The following KCNQ1 variants were observed in gnomAD, a reference collection of about 807,000 sequenced individuals.
The protein encoded by KCNQ1 is potassium voltage-gated channel subfamily KQT member 1.
In KCNQ1, 49 loss-of-function variants were observed where a neutral mutation model predicts 72.4. The observed-to-expected ratio is 0.68, with a 90% CI of 0.54 to 0.86. The LOEUF (loss-of-function observed/expected upper bound fraction) is 0.86, where lower values mean the gene tolerates loss of function less well. KCNQ1 is among the 40% of genes least tolerant of loss of function. The pLI is 0.00. For synonymous variants in KCNQ1, 450 were observed against 412.6 expected (o/e 1.09, Z -1.10); for missense variants, 790 against 945.1 (o/e 0.84, Z 2.15).
At chr11:2,717,281 C>T (rs1851108897) in intron 11 of KCNQ1, among the ~76,000 whole-genome samples, 1 of 152,192 alleles carries the variant, frequency 6.6e-6, no homozygotes, top group African/African-American at 2.4e-5. Flanking sequence ...GAATCACAAG[C>T]TGGATGTCAG....
intron 11 of KCNQ1, among the ~76,000 whole-genome samples, chr11:2,758,207 A>G (rs973075781): frequency 1.3e-5 from 2 of 152,210 alleles, no homozygotes; most frequent in Non-Finnish European, 2.9e-5. Flanking sequence ...TCAAAACTCA[A>G]CAGTAAAAAA....
chr11:2,747,254 T>C (rs898246499), intron 11 of KCNQ1, among the ~76,000 whole-genome samples: 1 of 152,260 alleles, frequency 6.6e-6, no homozygotes, highest in Non-Finnish European at 1.5e-5. Flanking sequence ...CCCAATTTAT[T>C]AGTCTTCTCC....
At chr11:2,686,414 A>G in intron 11 of KCNQ1, 1 of 398,642 alleles carries the variant, frequency 2.5e-6, no homozygotes, top group Non-Finnish European at 4.4e-6. Context: ...GATATTGTGG[A>G]TACCTATGCC....
chr11:2,501,451 A>G (rs1190393620), intron 1 of KCNQ1, among the ~76,000 whole-genome samples: 3 of 152,168 alleles, frequency 2.0e-5, no homozygotes, highest in Non-Finnish European at 4.4e-5. Context: ...ATTCCTAGAC[A>G]TGTGCAACCT....
rs1334252385 is a variant in KCNQ1, at chr11:2,808,030, C to T, written c.1794+29993C>T. On this transcript the variant is annotated intron_variant, in intron 15 of 15. Transcript: ENST00000155840. The surrounding 1 kb of genome is among the most constrained non-coding windows in gnomAD (Gnocchi z 6.0). ...CAGGGCCGGTGGTACCTGGAGCCCT[C>T]CCCACTGAGCACCTGGCCCAGTGCC... 6.6e-6 allele frequency among the ~76,000 whole-genome samples: 1 copy of T among 152,170 alleles called. No individual in the cohort carries two copies. Among genetic ancestry groups the T allele is most frequent in the Non-Finnish European group, 1.5e-5 (1 of 68,010 alleles).
rs1027023123 is a variant in KCNQ1 at position 2,703,047 on chromosome 11, G to A, written c.1514+40966G>A. On this transcript the variant is annotated intron_variant, in intron 11 of 15. Transcript: ENST00000155840. The surrounding 1 kb of genome is among the most constrained non-coding windows in gnomAD (Gnocchi z 6.4). ...TGTCTCGTCGGGCGACAAGAGACAC[G>A]TGGGAATTGGCTAGAGAAGCATGTG... Among the ~76,000 whole-genome samples the A allele has an allele frequency of 3.9e-5, 6 of 152,172 alleles. No individual in the cohort carries two copies. Among genetic ancestry groups the A allele is most frequent in the Admixed American group, 6.5e-5 (1 of 15,286 alleles).
intron 10 of KCNQ1, chr11:2,630,000 C>T (rs1008256571): frequency 2.5e-6 from 1 of 398,240 alleles, no homozygotes; most frequent in South Asian, 1.3e-4. Flanking sequence ...TGTTCCTCAT[C>T]TTAGAGGAGA....
chr11:2,514,753 G>A (rs1214716213), intron 1 of KCNQ1, among the ~76,000 whole-genome samples: 3 of 152,220 alleles, frequency 2.0e-5, no homozygotes, highest in African/African-American at 7.2e-5. Context: ...ATGAACCCGG[G>A]AGGCAGAGCT....
intron 2 of KCNQ1, among the ~76,000 whole-genome samples, chr11:2,561,010 G>T (rs561877351): frequency 1.1e-4 from 16 of 151,952 alleles, no homozygotes; most frequent in Admixed American, 7.2e-4. Context: ...AGACCATCCT[G>T]GCTAACACGG....
chr11:2,665,772 T>A, intron 11 of KCNQ1: 2 of 398,566 alleles, frequency 5.0e-6, no homozygotes, highest in Non-Finnish European at 8.8e-6. Flanking sequence ...CTAGGATTGC[T>A]GCTCACTCAA....
intron 11 of KCNQ1, among the ~76,000 whole-genome samples, chr11:2,739,776 T>C (rs115438126): frequency 0.013 from 1,962 of 152,330 alleles, 39 homozygotes; most frequent in African/African-American, 0.045. Context: ...CCAGCTGGTA[T>C]TGGCCAAGTT....
Position 2,712,547 on chromosome 11 carries a change from C to G in KCNQ1, c.1514+50466C>G, listed in dbSNP as rs1469340834. Among the ~76,000 whole-genome samples, 1 of 152,172 alleles carries G rather than the reference C, an allele frequency of 6.6e-6. No individual in the cohort carries two copies. The highest frequency in any genetic ancestry group is 2.4e-5 in the African/African-American group (1 of 41,440). On this transcript the variant is annotated intron_variant, in intron 11 of 15. Transcript: ENST00000155840. This position sits in a 1 kb window ranked among gnomAD's most constrained non-coding sequence, Gnocchi z 6.4. ...GCCACCAGGCCAGACACCGCCCCAG[C>G]TGAATGCATGCTGGCGGCCCAAATG... is the stretch of plus-strand genomic sequence containing the variant.
At chr11:2,686,316 C>T in intron 11 of KCNQ1, 1 of 398,748 alleles carries the variant, frequency 2.5e-6, no homozygotes, top group East Asian at 3.6e-5. Flanking sequence ...CTAGTGTCAC[C>T]TGGCCCGTCC....
intron 2 of KCNQ1, among the ~76,000 whole-genome samples, chr11:2,528,900 C>T (rs145989022): frequency 9.1e-4 from 139 of 152,242 alleles, no homozygotes; most frequent in African/African-American, 3.3e-3. Context: ...CAGTGGTATC[C>T]GTCTCATTTC....
intron 2 of KCNQ1, among the ~76,000 whole-genome samples, chr11:2,553,516 A>G (rs973573855): frequency 2.0e-5 from 3 of 152,160 alleles, no homozygotes; most frequent in East Asian, 1.9e-4. Context: ...TTCTGCCTCT[A>G]TTGAGATAAT....
Position 2,658,229 on chromosome 11 carries a change from C to T in KCNQ1, c.1394-3732C>T, listed in dbSNP as rs959958960. ...TCAGCATTCATTCATGGATCGTTTT[C>T]CTGCAGCAAATATTACCGTGATGTA... On this transcript the variant is annotated intron_variant, in intron 10 of 15. Coordinates refer to ENST00000155840, the MANE Select transcript of KCNQ1 (RefSeq NM_000218.3). This position sits in a 1 kb window ranked among gnomAD's most constrained non-coding sequence, Gnocchi z 4.9. The T allele has an allele frequency of 1.0e-5, 4 of 398,578 alleles. No individual in the cohort carries two copies. 24.7% of individuals were successfully genotyped at this position (398,578 alleles called of 1,614,324 possible). A position where few individuals can be genotyped will look rare whatever the true frequency, so the allele number is the denominator to read the frequency against.
chr11:2,701,432 G>A (rs1028719352), intron 11 of KCNQ1, among the ~76,000 whole-genome samples: 1 of 152,152 alleles, frequency 6.6e-6, no homozygotes. Context: ...TGATCAGAGG[G>A]CGCAGTCCAC....
Position 2,626,524 on chromosome 11 carries a change from T to C in KCNQ1, c.1394-35437T>C, listed in dbSNP as rs945467456. The stretch of plus-strand genomic sequence containing the variant: ...AGTTTTGATTACTGTAGCTTCGTAA[T>C]AAGTTGGGGTTTTTGTTTGTTTTTC... On this transcript the variant is annotated intron_variant, in intron 10 of 15. Transcript: ENST00000155840. The surrounding 1 kb of genome is among the most constrained non-coding windows in gnomAD (Gnocchi z 4.0). 7.5e-6 allele frequency: 3 copies of C among 398,490 alleles called. No homozygotes were observed. The highest frequency in any genetic ancestry group is 1.3e-5 in the Non-Finnish European group (3 of 226,078). The allele number at this position is 398,490 out of a possible 1,614,324, so 24.7% of individuals were successfully genotyped here.
chr11:2,498,262 T>C lies in KCNQ1; in HGVS notation c.387-29666T>C, dbSNP rs977128831. The stretch of plus-strand genomic sequence containing the variant: ...TCTTCAGAGCCAGCAGGCAGGAGAG[T>C]TCAAGTCTGCTGAAGCTGTGCCCAC... On this transcript the variant is annotated intron_variant, in intron 1 of 15. Transcript: ENST00000155840. This position sits in a 1 kb window ranked among gnomAD's most constrained non-coding sequence, Gnocchi z 4.8. Among the ~76,000 whole-genome samples, 20 of 151,754 alleles carry C rather than the reference T, an allele frequency of 1.3e-4. No individual in the cohort carries two copies. The highest frequency in any genetic ancestry group is 2.7e-4 in the Non-Finnish European group (18 of 67,908).
Sources: gnomAD v4.1 joint callset for allele counts (sites outside exome capture counted in the v4.1 genomes callset) on GRCh38, gnomAD v4.1.1 for gene constraint, Gnocchi (gnomAD v3.1) non-coding constraint, MANE v1.5 for transcripts, NCBI Gene and HGNC (gene_info 2026-07-23, HGNC 2026-07-21) for gene names.